CRADD: variants seen among roughly 807,000 people sequenced by gnomAD.
The protein encoded by CRADD is death domain-containing protein CRADD.
A neutral mutation model predicts 15.5 loss-of-function variants in CRADD; 9 were observed. That is an observed-to-expected ratio of 0.58 (90% CI 0.35 to 1.01). CRADD has a LOEUF of 1.01. CRADD is among the 50% of genes least tolerant of loss of function. The pLI is 0.02. For missense variants in CRADD, 227 were observed against 250.3 expected (o/e 0.91, Z 0.63); for synonymous variants, 118 against 107.6 (o/e 1.10, Z -0.60).
chr12:93,697,395 A>G (rs998450458), intron 2 of CRADD, among the ~76,000 whole-genome samples: 1 of 152,228 alleles, frequency 6.6e-6, no homozygotes, highest in African/African-American at 2.4e-5. Context: ...TGCCCTCACC[A>G]GACACCAAAT....
intron 2 of CRADD, among the ~76,000 whole-genome samples, chr12:93,858,002 C>T (rs1247059649): frequency 6.6e-6 from 1 of 152,248 alleles, no homozygotes; most frequent in Non-Finnish European, 1.5e-5. Context: ...CTGTCAGCCT[C>T]TGGAAGTAAT....
rs1428468502 is a variant in CRADD at position 93,850,249 on chromosome 12, T to G, written c.578T>G (p.Leu193Arg). 1 of 1,605,546 alleles carries G rather than the reference T, an allele frequency of 6.2e-7. No homozygotes were observed. Among genetic ancestry groups the G allele is most frequent in the South Asian group, 1.1e-5 (1 of 90,760 alleles). Residue 193 changes from leucine to arginine, a missense_variant, in exon 3 of 3, where the codon CTG (leucine) becomes CGG (arginine). By Grantham distance (102) the Leu-to-Arg change is moderately radical. Transcript: ENST00000332896. The surrounding 1 kb of genome is among the most constrained non-coding windows in gnomAD (Gnocchi z 4.0). ...GLRAVEVDPS[L>R]LLHMLE ...CGGGCTGTGGAGGTGGACCCCTCGC[T>G]GCTCCTGCACATGTTGGAGTGATGG...
chr12:93,749,777 C>T (rs370391979), intron 2 of CRADD, among the ~76,000 whole-genome samples: 1 of 152,198 alleles, frequency 6.6e-6, no homozygotes, highest in South Asian at 2.1e-4. Context: ...CATGCTTTCT[C>T]TTTTAAGCTT....
intron 2 of CRADD, chr12:93,816,251 C>T (rs1434300081): frequency 1.3e-5 from 2 of 152,156 alleles, no homozygotes; most frequent in African/African-American, 4.8e-5. Flanking sequence ...GAGTCTTGCT[C>T]TGTCGCCCAG....
At chr12:93,753,895 G>T (rs1956858938) in intron 2 of CRADD, among the ~76,000 whole-genome samples, 1 of 152,202 alleles carries the variant, frequency 6.6e-6, no homozygotes, top group African/African-American at 2.4e-5. Flanking sequence ...TGGAGGGCGT[G>T]GCCCTCTTCT....
chr12:93,788,447 G>A (rs1031827484), intron 2 of CRADD, among the ~76,000 whole-genome samples: 16 of 152,266 alleles, frequency 1.1e-4, no homozygotes, highest in Non-Finnish European at 1.8e-4. Context: ...CAGCCAACCC[G>A]TATCAACACC....
intron 2 of CRADD, among the ~76,000 whole-genome samples, chr12:93,686,602 A>G (rs1251784563): frequency 1.3e-5 from 2 of 152,250 alleles, no homozygotes; most frequent in African/African-American, 4.8e-5. Flanking sequence ...AAACACATTT[A>G]CTTGCTAGTG....
intron 2 of CRADD, among the ~76,000 whole-genome samples, chr12:93,710,748 G>T (rs1444277348): frequency 2.0e-5 from 3 of 152,078 alleles, no homozygotes; most frequent in African/African-American, 7.2e-5. Context: ...TCAAAGGGAG[G>T]GGAAGTAAAT....
At chr12:93,882,727 C>T (rs1325319396) in intron 2 of CRADD, among the ~76,000 whole-genome samples, 2 of 152,156 alleles carry the variant, frequency 1.3e-5, no homozygotes, top group Non-Finnish European at 2.9e-5. Context: ...AGTGGATCGA[C>T]TTCTGAAGAC....
intron 2 of CRADD, among the ~76,000 whole-genome samples, chr12:93,808,038 G>T (rs1386940157): frequency 2.7e-5 from 4 of 149,946 alleles, no homozygotes; most frequent in African/African-American, 7.3e-5. Context: ...TAGCATGGGG[G>T]TAGTGTGTGA....
chr12:93,685,278 A>T (rs1955404426), intron 2 of CRADD, among the ~76,000 whole-genome samples: 1 of 152,116 alleles, frequency 6.6e-6, no homozygotes, highest in Admixed American at 6.6e-5. Context: ...AGGGACTGGG[A>T]AGGGTATGAG....
intron 2 of CRADD, chr12:93,738,586 C>A: frequency 1.5e-6 from 1 of 648,230 alleles, no homozygotes; most frequent in South Asian, 1.7e-5. Flanking sequence ...ACCGCCACCC[C>A]CTGCACCACA....
At chr12:93,781,284 C>T (rs973346797) in intron 2 of CRADD, among the ~76,000 whole-genome samples, 13 of 152,052 alleles carry the variant, frequency 8.5e-5, no homozygotes, top group African/African-American at 1.2e-4. Context: ...ACAAAAAAAT[C>T]CCGCATTTGT....
At chr12:93,761,421 C>T (rs1956960586) in intron 2 of CRADD, among the ~76,000 whole-genome samples, 1 of 152,072 alleles carries the variant, frequency 6.6e-6, no homozygotes, top group Non-Finnish European at 1.5e-5. Context: ...GTGAGGACAA[C>T]TGGGAGAAGT....
chr12:93,768,096 C>T (rs1478754360), intron 2 of CRADD, among the ~76,000 whole-genome samples: 2 of 152,140 alleles, frequency 1.3e-5, no homozygotes, highest in Admixed American at 6.5e-5. Context: ...TTATGCCAAT[C>T]GAACTTACTG....
intron 2 of CRADD, among the ~76,000 whole-genome samples, chr12:93,744,388 A>G (rs1462898039): frequency 3.9e-5 from 6 of 152,216 alleles, no homozygotes; most frequent in African/African-American, 1.4e-4. Context: ...CACAGTGTGC[A>G]GAATTTGCTT....
intron 2 of CRADD, among the ~76,000 whole-genome samples, chr12:93,729,741 CGCCAGTGCACTTCA>C (rs1285082394): frequency 6.7e-6 from 1 of 149,630 alleles, no homozygotes; most frequent in African/African-American, 2.5e-5. Context: ...GCCGAGATTG[CGCCAGTGCACTTCA>C]GCCTGGGCAA....
chr12:93,699,539 T>C (rs958137952), intron 2 of CRADD, among the ~76,000 whole-genome samples: 3 of 152,222 alleles, frequency 2.0e-5, no homozygotes, highest in Admixed American at 6.5e-5. Context: ...ATTTGCCTTT[T>C]GTTCCCATCC....
At chr12:93,735,151 T>C (rs1239312742) in intron 2 of CRADD, among the ~76,000 whole-genome samples, 1 of 152,170 alleles carries the variant, frequency 6.6e-6, no homozygotes, top group Non-Finnish European at 1.5e-5. Context: ...AATAAATGAA[T>C]GAACAAACAC....
Sources: allele counts gnomAD v4.1 joint callset (sites outside exome capture counted in the v4.1 genomes callset), GRCh38; gene constraint gnomAD v4.1.1; non-coding constraint Gnocchi (gnomAD v3.1); transcripts MANE v1.5; gene names NCBI Gene and HGNC (gene_info 2026-07-23, HGNC 2026-07-21).